Variants in TMEM131L observed in about 807,000 individuals in gnomAD.
The protein encoded by TMEM131L is transmembrane protein 131-like.
A neutral mutation model predicts 192.2 loss-of-function variants in TMEM131L; 54 were observed. The ratio of observed to expected loss-of-function variants is 0.28; its 90% CI spans 0.23 to 0.35. The LOEUF is 0.35. Among genes scored for constraint, TMEM131L ranks in the 10% least tolerant of loss-of-function variants. The pLI is 1.00. For synonymous variants in TMEM131L, 701 were observed against 704.9 expected (o/e 0.99, Z 0.09); for missense variants, 1,888 against 1,972.9 (o/e 0.96, Z 0.82).
chr4:153,497,212 C>T (rs1437921041), intron 3 of TMEM131L, among the ~76,000 whole-genome samples: 1 of 152,110 alleles, frequency 6.6e-6, no homozygotes, highest in African/African-American at 2.4e-5. Flanking sequence ...GTTTGTCTCC[C>T]CTCTGAAGGA....
chr4:153,611,181 G>A (rs910226051), intron 25 of TMEM131L, among the ~76,000 whole-genome samples: 2 of 152,210 alleles, frequency 1.3e-5, no homozygotes, highest in African/African-American at 2.4e-5. Flanking sequence ...GGGGCAGGGC[G>A]GGCATTCACT....
At chr4:153,571,187 A>G (rs1161846078) in intron 7 of TMEM131L, among the ~76,000 whole-genome samples, 1 of 152,182 alleles carries the variant, frequency 6.6e-6, no homozygotes. Flanking sequence ...GTTGCGTTGC[A>G]TAATCTTACA....
At chr4:153,487,403 A>G (rs551614757) in intron 3 of TMEM131L, among the ~76,000 whole-genome samples, 4 of 152,162 alleles carry the variant, frequency 2.6e-5, no homozygotes, top group South Asian at 4.2e-4. Context: ...AATGATGCAC[A>G]TGGGGGTGGG....
chr4:153,494,857 C>T (rs1733051418), intron 3 of TMEM131L, among the ~76,000 whole-genome samples: 1 of 152,218 alleles, frequency 6.6e-6, no homozygotes, highest in Admixed American at 6.5e-5. Context: ...GACATTTGCT[C>T]TGAGACCAGT....
intron 3 of TMEM131L, among the ~76,000 whole-genome samples, chr4:153,544,883 C>T: frequency 6.6e-6 from 1 of 152,122 alleles, no homozygotes; most frequent in East Asian, 1.9e-4. Flanking sequence ...TGCAGCTGAG[C>T]CTTATTAAAT....
intron 12 of TMEM131L, 87 bp from the exon 13 acceptor site, chr4:153,585,371 C>A: frequency 7.9e-7 from 1 of 1,269,516 alleles, no homozygotes; most frequent in Non-Finnish European, 1.1e-6. Context: ...TTTTATGATG[C>A]TCCTGTTTTT....
Position 153,524,370 on chromosome 4 carries a change from G to T in TMEM131L, c.240-25703G>T, listed in dbSNP as rs372707748. On this transcript the variant is annotated intron_variant, in intron 3 of 34. Transcript: ENST00000409959. ...GGGCTACTCCCTGCTGGCAGTCCAG[G>T]TCTTCTCCCACAACACTTTGTAAAT... Among the ~76,000 whole-genome samples, 4 of 152,168 alleles carry T rather than the reference G, an allele frequency of 2.6e-5. No individual in the cohort carries two copies. The East Asian group carries it at 7.7e-4, about 29-fold the overall frequency.
intron 3 of TMEM131L, among the ~76,000 whole-genome samples, chr4:153,535,000 G>A (rs534784490): frequency 2.6e-5 from 4 of 152,336 alleles, no homozygotes; most frequent in Admixed American, 2.6e-4. Context: ...TTTGAGCAGA[G>A]CAGTGATGCC....
intron 3 of TMEM131L, among the ~76,000 whole-genome samples, chr4:153,493,366 AAG>A: frequency 7.0e-6 from 1 of 142,438 alleles, no homozygotes; most frequent in African/African-American, 2.6e-5. Context: ...AAAAAAAAAA[AAG>A]ATATGTTTGG....
At chr4:153,572,793 C>T (rs1729680452) in intron 7 of TMEM131L, among the ~76,000 whole-genome samples, 1 of 152,292 alleles carries the variant, frequency 6.6e-6, no homozygotes, top group South Asian at 2.1e-4. Context: ...GTACAGTCAT[C>T]ACCTCCATCC....
intron 3 of TMEM131L, among the ~76,000 whole-genome samples, chr4:153,480,389 A>G (rs1731849179): frequency 1.3e-5 from 2 of 151,608 alleles, no homozygotes; most frequent in Admixed American, 6.6e-5. Context: ...GCGTGGCAGC[A>G]TGAGCCTGTA....
At chr4:153,502,306 G>A (rs1437797065) in intron 3 of TMEM131L, among the ~76,000 whole-genome samples, 1 of 152,162 alleles carries the variant, frequency 6.6e-6, no homozygotes, top group Non-Finnish European at 1.5e-5. Flanking sequence ...AGCTGCAAGT[G>A]GTAGACTGGG....
chr4:153,536,098 TTGTC>T (rs1284247940), intron 3 of TMEM131L, among the ~76,000 whole-genome samples: 2 of 152,166 alleles, frequency 1.3e-5, no homozygotes, highest in Non-Finnish European at 2.9e-5. Flanking sequence ...ATACCGTGCT[TTGTC>T]TGGGGATGGA....
chr4:153,537,478 C>T (rs1454846880), intron 3 of TMEM131L, among the ~76,000 whole-genome samples: 1 of 152,204 alleles, frequency 6.6e-6, no homozygotes, highest in Non-Finnish European at 1.5e-5. Context: ...ATGGTTATTT[C>T]TTGATGATAT....
At chr4:153,593,244 C>T (rs1213295046) in intron 18 of TMEM131L, among the ~76,000 whole-genome samples, 13 of 152,132 alleles carry the variant, frequency 8.5e-5, no homozygotes, top group South Asian at 6.2e-4. Flanking sequence ...AAGATCGACC[C>T]TTATCCCAGG....
At chr4:153,534,041 T>C (rs2150263837) in intron 3 of TMEM131L, among the ~76,000 whole-genome samples, 1 of 152,352 alleles carries the variant, frequency 6.6e-6, no homozygotes, top group South Asian at 2.1e-4. Flanking sequence ...GTTTCTGACA[T>C]GCTAGGATGA....
chr4:153,581,622 C>A, intron 9 of TMEM131L, 62 bp downstream of exon 9: 1 of 1,119,254 alleles, frequency 8.9e-7, no homozygotes, highest in Non-Finnish European at 1.2e-6. Context: ...CATTCTATAG[C>A]ATTTATGAAC....
intron 7 of TMEM131L, among the ~76,000 whole-genome samples, chr4:153,578,625 A>G (rs1482482672): frequency 6.7e-6 from 1 of 149,958 alleles, no homozygotes; most frequent in East Asian, 2.0e-4. Flanking sequence ...GGTTCACGCC[A>G]TTCTCCTGCC....
rs1227091480 is a variant in TMEM131L, at chr4:153,466,413, C to A, written c.16C>A (p.Arg6Ser). 1 of 1,352,210 alleles carries A rather than the reference C, an allele frequency of 7.4e-7. No homozygotes were observed. 83.8% of individuals were successfully genotyped at this position (1,352,210 alleles called of 1,614,324 possible). A position where few individuals can be genotyped will look rare whatever the true frequency, so the allele number is the denominator to read the frequency against. The stretch of plus-strand genomic sequence containing the variant: ...GAGCAGCAGCATGGCGGGGCTCCGA[C>A]GCCCGCAGCCCGGCTGCTACTGCCG... The part of the protein sequence containing the change: MAGLR[R>S]PQPGCYCRTA... The change falls in exon 1 of 35, where the codon CGC becomes AGC. Residue 6 changes from arginine to serine, a missense_variant. Arg to Ser is a moderately radical substitution (Grantham distance 110). Transcript: ENST00000409959.
Sources: gnomAD v4.1 joint callset for allele counts (sites outside exome capture counted in the v4.1 genomes callset) on GRCh38, gnomAD v4.1.1 for gene constraint, MANE v1.5 for transcripts, NCBI Gene and HGNC (gene_info 2026-07-23, HGNC 2026-07-21) for gene names.